FBXO46: variants seen among roughly 807,000 people sequenced by gnomAD.
FBXO46 encodes F-box protein 46.
FBXO46 carries 13 observed loss-of-function variants against 30.7 expected under a neutral mutation model. That is an observed-to-expected ratio of 0.42 (90% CI 0.28 to 0.67). The LOEUF (loss-of-function observed/expected upper bound fraction) is 0.67. Among genes scored for constraint, FBXO46 ranks in the 30% least tolerant of loss-of-function variants. The pLI, the probability that FBXO46 is intolerant of heterozygous loss-of-function variation, is 0.21. For missense variants in FBXO46, 754 were observed against 871.5 expected, an observed-to-expected ratio of 0.87 and a Z score of 1.70; for synonymous variants, 467 against 385.8, an observed-to-expected ratio of 1.21 and a Z score of -2.47.
In FBXO46 at chr19:45,711,709, C is replaced by G; in HGVS notation, c.1787G>C (p.Arg596Pro). The G allele has an allele frequency of 1.3e-6, 2 of 1,532,196 alleles. No homozygotes were observed. Among genetic ancestry groups the G allele is most frequent in the Non-Finnish European group, 1.7e-6 (2 of 1,142,958 alleles). 94.9% of individuals were successfully genotyped at this position (1,532,196 alleles called of 1,614,324 possible). The change falls in exon 2 of 2, where the codon CGG becomes CCG. Residue 596 changes from arginine (R) to proline (P), a missense_variant. Arg to Pro is a moderately radical substitution (Grantham distance 103). Transcript: ENST00000317683. ...VLPCNGPGGG[R>P]AGREEGR is the part of the protein sequence containing the mutation. ...TCACCTCCCCTCCTCCCGGCCGGCC[C>G]GGCCCCCGCCTGGCCCATTGCAGGG...
rs1568543566 is a variant in FBXO46, at chr19:45,711,452, A to C, written c.*232T>G. On this transcript the variant is annotated 3_prime_UTR_variant, in exon 2 of 2. Transcript: ENST00000317683. ...AAAGTGAGATGCTGATAAAAAAAAAAAAAACACCCTTCTCAGAGGGTCCAC... is the reference window on the plus strand; with the variant it reads ...AAAGTGAGATGCTGATAAAAAAAAACAAAACACCCTTCTCAGAGGGTCCAC... 12 of 682,186 alleles carry C rather than the reference A, an allele frequency of 1.8e-5. No homozygotes were observed. The highest frequency in any genetic ancestry group is 1.5e-4 in the Admixed American group (7 of 47,104). 42.3% of individuals were successfully genotyped at this position (682,186 alleles called of 1,614,324 possible).
At chr19:45,731,768 C>T (rs2146166457), upstream of FBXO46, among the ~76,000 whole-genome samples, 1 of 152,142 alleles carries the variant, frequency 6.6e-6, no homozygotes, top group South Asian at 2.1e-4. Flanking sequence ...TAGTGTTACA[C>T]CACCGCCCTC....
intron 1 of FBXO46, among the ~76,000 whole-genome samples, chr19:45,721,872 G>A (rs1016103520): frequency 2.7e-5 from 4 of 150,864 alleles, no homozygotes; most frequent in East Asian, 2.0e-4. Context: ...AGATGGAGTC[G>A]TGCTGTTGCC....
At chr19:45,729,288 G>C (rs909013673) in intron 1 of FBXO46, among the ~76,000 whole-genome samples, 1 of 151,534 alleles carries the variant, frequency 6.6e-6, no homozygotes, top group Non-Finnish European at 1.5e-5. Flanking sequence ...AAATTAGCCA[G>C]GGCGTGGTGG....
Position 45,712,649 on chromosome 19 carries a change from C to T in FBXO46, c.847G>A (p.Gly283Arg), listed in dbSNP as rs749886630. The T allele has an allele frequency of 6.2e-7, 1 of 1,609,464 alleles. No homozygotes were observed. The highest frequency in any genetic ancestry group is 1.7e-5 in the Admixed American group (1 of 59,390). ...APDSGLPSGG[G>R]GRPGCAYPGS... ...GGGTAGGCACAACCAGGCCTGCCCC[C>T]GCCCCCACTGGGCAGGCCGCTGTCT... The change falls in exon 2 of 2, where the codon GGG becomes AGG. Residue 283 changes from glycine (G) to arginine (R), a missense_variant. Coordinates refer to ENST00000317683, the MANE Select transcript of FBXO46 (RefSeq NM_001080469.2). This position sits in a 1 kb window ranked among gnomAD's most constrained non-coding sequence, Gnocchi z 8.8.
rs773768972 is a variant in FBXO46, at chr19:45,712,152, C to A, written c.1344G>T (p.Leu448Phe). The change falls in exon 2 of 2, where the codon TTG (leucine) becomes TTT (phenylalanine). Residue 448 changes from leucine to phenylalanine, a missense_variant. Around this residue, in one of 5 missense-constraint regions of FBXO46, gnomAD observed 162 missense variants for 258.7 expected, o/e 0.63. Transcript: ENST00000317683. This position sits in a 1 kb window ranked among gnomAD's most constrained non-coding sequence, Gnocchi z 8.8. ...GGAAGTCGTGCGACACGTGCCGGTACAAGCGGCACAGGGAGGTGTCCGCCG... is the reference window on the plus strand; with the variant it reads ...GGAAGTCGTGCGACACGTGCCGGTAAAAGCGGCACAGGGAGGTGTCCGCCG... ...EGTADTSLCR[L>F]YRHVSHDFLE... 1 of 1,595,206 alleles carries A rather than the reference C, an allele frequency of 6.3e-7. No homozygotes were observed. Among genetic ancestry groups the A allele is most frequent in the South Asian group, 1.1e-5 (1 of 89,422 alleles).
rs34349746 is a variant in FBXO46, at chr19:45,713,968, C to CAAA, written c.-78-398_-78-396dup. On this transcript the variant is annotated intron_variant, in intron 1 of 1. Coordinates refer to ENST00000317683, the MANE Select transcript of FBXO46 (RefSeq NM_001080469.2). The surrounding 1 kb of genome is among the most constrained non-coding windows in gnomAD (Gnocchi z 4.7). ...GGGCGACAAGAGCGAAACTCCGTCTCAAAAAAAAAAAAAAAAAAAAAAAGA... is the reference window on the plus strand; with the variant it reads ...GGGCGACAAGAGCGAAACTCCGTCTCAAAAAAAAAAAAAAAAAAAAAAAAAAGA... 1.8e-3 allele frequency among the ~76,000 whole-genome samples: 134 copies of CAAA among 72,944 alleles called. 2 individuals carry two copies. The highest frequency in any genetic ancestry group is 3.6e-3 in the African/African-American group (76 of 21,056). 47.9% of individuals were successfully genotyped at this position (72,944 alleles called of 152,430 possible). A position where few individuals can be genotyped will look rare whatever the true frequency, so the allele number is the denominator to read the frequency against.
Position 45,713,504 on chromosome 19 carries a change from A to T in FBXO46, c.-9T>A, listed in dbSNP as rs371532047. Reference sequence around the variant, plus strand: ...AGGCTCCCACGGTCCATGCTGGGGGATGATGGCAGACAGGCTGGGCTTCAG... The same window carrying T: ...AGGCTCCCACGGTCCATGCTGGGGGTTGATGGCAGACAGGCTGGGCTTCAG... On this transcript the variant is annotated 5_prime_UTR_variant, in exon 2 of 2. Coordinates refer to ENST00000317683, the MANE Select transcript of FBXO46 (RefSeq NM_001080469.2). This position sits in a 1 kb window ranked among gnomAD's most constrained non-coding sequence, Gnocchi z 4.7. 6.5e-6 allele frequency: 10 copies of T among 1,539,014 alleles called. No individual in the cohort carries two copies. In the Admixed American group the frequency reaches 9.7e-5, roughly 15 times the overall value.
At position 45,711,110 on chromosome 19, in the gene FBXO46, C is replaced by T. The variant is rs988260286; in HGVS notation, c.*574G>A. On this transcript the variant is annotated 3_prime_UTR_variant, in exon 2 of 2. Coordinates refer to ENST00000317683, the MANE Select transcript of FBXO46 (RefSeq NM_001080469.2). ...TAAGGAGAAAACAGTATTTCCCCCC[C>T]ACTTCTTTAATAGGCAAACCATCTA... 2.8e-6 allele frequency: 1 copy of T among 361,818 alleles called. No homozygotes were observed. Among genetic ancestry groups the T allele is most frequent in the Non-Finnish European group, 5.4e-6 (1 of 185,294 alleles). 22.4% of individuals were successfully genotyped at this position (361,818 alleles called of 1,614,324 possible). A position where few individuals can be genotyped will look rare whatever the true frequency, so the allele number is the denominator to read the frequency against.
In FBXO46 at chr19:45,712,209, G is replaced by A; in HGVS notation, c.1287C>T (p.Ala429=). Residue 429 remains alanine, a synonymous_variant, in exon 2 of 2, where the codon GCC becomes GCT. Transcript: ENST00000317683. The surrounding 1 kb of genome is among the most constrained non-coding windows in gnomAD (Gnocchi z 8.8). The part of the protein sequence containing the change: ...PPEPPPADSP[A]TAPGPDDAEG... ...CGGCATCGTCTGGGCCGGGCGCAGTGGCCGGGGAGTCGGCCGGGGGTGGCT... is the reference window on the plus strand; with the variant it reads ...CGGCATCGTCTGGGCCGGGCGCAGTAGCCGGGGAGTCGGCCGGGGGTGGCT... 2 of 1,605,308 alleles carry A rather than the reference G, an allele frequency of 1.2e-6. No individual in the cohort carries two copies. The highest frequency in any genetic ancestry group is 1.7e-6 in the Non-Finnish European group (2 of 1,176,922).
chr19:45,718,797 A>G (rs943632014), intron 1 of FBXO46, among the ~76,000 whole-genome samples: 9 of 151,970 alleles, frequency 5.9e-5, no homozygotes, highest in Non-Finnish European at 1.0e-4. Flanking sequence ...AAGGCCCTAC[A>G]CTAGGTCAGC....
At chr19:45,727,268 A>T (rs1968252221) in intron 1 of FBXO46, among the ~76,000 whole-genome samples, 1 of 151,806 alleles carries the variant, frequency 6.6e-6, no homozygotes. Flanking sequence ...AAAAAGAAAA[A>T]AAAAAAGAGG....
chr19:45,711,985 T>C lies in FBXO46; in HGVS notation c.1511A>G (p.Lys504Arg). The C allele has an allele frequency of 6.2e-7, 1 of 1,612,812 alleles. No individual in the cohort carries two copies. Among genetic ancestry groups the C allele is most frequent in the African/African-American group, 1.3e-5 (1 of 75,028 alleles). ...AALKCTCHHF[K>R]GIIEAFGVRA... ...CACGCCAAACGCCTCGATGATGCCC[T>C]TGAAGTGGTGGCAGGTGCACTTGAG... is the stretch of plus-strand genomic sequence containing the variant. The change falls in exon 2 of 2, where the codon AAG becomes AGG. Residue 504 changes from lysine to arginine, a missense_variant. Physicochemically the swap from Lys to Arg is conservative, Grantham distance 26 (BLOSUM62 2). This residue lies in a region of FBXO46 where 162 missense variants were observed against 258.7 expected (regional missense o/e 0.63). Coordinates refer to ENST00000317683, the MANE Select transcript of FBXO46 (RefSeq NM_001080469.2).
chr19:45,719,540 A>T (rs963590730), intron 1 of FBXO46, among the ~76,000 whole-genome samples: 1 of 152,212 alleles, frequency 6.6e-6, no homozygotes, highest in Non-Finnish European at 1.5e-5. Context: ...AAAACAACAT[A>T]TTTCTAAGAA....
At position 45,711,700 on chromosome 19, in the gene FBXO46, C is replaced by A. The variant is rs1390777006; in HGVS notation, c.1796G>T (p.Arg599Leu). Residue 599 changes from arginine to leucine, a missense_variant, in exon 2 of 2, where the codon CGG becomes CTG. By Grantham distance (102) the Arg-to-Leu change is moderately radical (BLOSUM62 -2). Around this residue, in one of 5 missense-constraint regions of FBXO46, gnomAD observed 162 missense variants for 258.7 expected, o/e 0.63. Coordinates refer to ENST00000317683, the MANE Select transcript of FBXO46 (RefSeq NM_001080469.2). ...CNGPGGGRAG[R>L]EEGR ...CCCCCGGCTTCACCTCCCCTCCTCC[C>A]GGCCGGCCCGGCCCCCGCCTGGCCC... is the stretch of plus-strand genomic sequence containing the variant. 1 of 1,531,418 alleles carries A rather than the reference C, an allele frequency of 6.5e-7. No homozygotes were observed. The highest frequency in any genetic ancestry group is 8.8e-7 in the Non-Finnish European group (1 of 1,142,676). The allele number at this position is 1,531,418 out of a possible 1,614,324, so 94.9% of individuals were successfully genotyped here. A position where few individuals can be genotyped will look rare whatever the true frequency, so the allele number is the denominator to read the frequency against.
At chr19:45,722,968 C>G (rs1421879055) in intron 1 of FBXO46, among the ~76,000 whole-genome samples, 1 of 151,960 alleles carries the variant, frequency 6.6e-6, no homozygotes, top group Non-Finnish European at 1.5e-5. Flanking sequence ...GCAGGAGAAT[C>G]GCTTGAACCT....
Position 45,712,086 on chromosome 19 carries a change from T to C in FBXO46, c.1410A>G (p.Arg470=). The C allele has an allele frequency of 3.1e-6, 5 of 1,606,496 alleles. No individual in the cohort carries two copies. The highest frequency in any genetic ancestry group is 2.7e-5 in the African/African-American group (2 of 74,942). The change falls in exon 2 of 2, where the codon CGA becomes CGG. Residue 470 remains arginine, a synonymous_variant. Transcript: ENST00000317683. This position sits in a 1 kb window ranked among gnomAD's most constrained non-coding sequence, Gnocchi z 8.8. ...GCTCGGGCAGCAGCAGCATGTACTG[T>C]CGCGGCTCCAGCAGCCGCTGAATCT... is the stretch of plus-strand genomic sequence containing the variant. ...RFKIQRLLEP[R]QYMLLLPEHV... is the part of the protein sequence containing the mutation.
Position 45,711,782 on chromosome 19 carries a change from C to T in FBXO46, c.1714G>A (p.Glu572Lys). The T allele has an allele frequency of 6.2e-7, 1 of 1,603,642 alleles. No homozygotes were observed. The highest frequency in any genetic ancestry group is 1.3e-5 in the African/African-American group (1 of 74,940). Residue 572 changes from glutamate to lysine, a missense_variant, in exon 2 of 2, where the codon GAG (glutamate) becomes AAG (lysine). Physicochemically the swap from Glu to Lys is moderately conservative, Grantham distance 56. Transcript: ENST00000317683. Reference protein sequence around the residue: ...YWMCCRRADRETPGCRLGLHD... With the variant: ...YWMCCRRADRKTPGCRLGLHD... ...AGGCCCAGGCGGCAGCCGGGAGTCT[C>T]GCGGTCGGCTCGACGGCAGCACATC...
rs397954439 is a variant in FBXO46 at position 45,718,942 on chromosome 19, T to TAAAAAAAA, written c.-78-5377_-78-5370dup. 9.1e-3 allele frequency among the ~76,000 whole-genome samples: 1,090 copies of TAAAAAAAA among 119,276 alleles called. 17 individuals carry two copies. Among genetic ancestry groups the TAAAAAAAA allele is most frequent in the African/African-American group, 0.032 (1,021 of 31,648 alleles). 78.2% of individuals were successfully genotyped at this position (119,276 alleles called of 152,430 possible). A position where few individuals can be genotyped will look rare whatever the true frequency, so the allele number is the denominator to read the frequency against. On this transcript the variant is annotated intron_variant, in intron 1 of 1. Coordinates refer to ENST00000317683, the MANE Select transcript of FBXO46 (RefSeq NM_001080469.2). ...CAAGTAGAGGAGTAACATTACCCCT[T>TAAAAAAAA]AAAAAAAAAAAAAAAAAAACTTGGC...
Sources: allele counts gnomAD v4.1 joint callset (sites outside exome capture counted in the v4.1 genomes callset), GRCh38; gene constraint gnomAD v4.1.1; regional missense constraint gnomAD v4.1.1; non-coding constraint Gnocchi (gnomAD v3.1); transcripts MANE v1.5; gene names NCBI Gene and HGNC (gene_info 2026-07-23, HGNC 2026-07-21).